ZNF638: variants seen among roughly 807,000 people sequenced by gnomAD.
ZNF638 encodes the protein CTCL tumor antigen se33-1.
ZNF638 carries 46 observed loss-of-function variants against 195.6 expected under a neutral mutation model. The observed-to-expected ratio is 0.24, with a 90% CI of 0.19 to 0.30. ZNF638 has a LOEUF of 0.30. Among genes scored for constraint, ZNF638 ranks in the 10% least tolerant of loss-of-function variants. The probability of loss-of-function intolerance (pLI) is 1.00; values close to 1 mark genes in which losing one functional copy is unlikely to be tolerated. For synonymous variants in ZNF638, 845 were observed against 772.0 expected (o/e 1.09, Z -1.57); for missense variants, 2,440 against 2,325.3 (o/e 1.05, Z -1.01).
intron 5 of ZNF638, among the ~76,000 whole-genome samples, chr2:71,364,935 A>C (rs1217365718): frequency 6.6e-6 from 1 of 152,220 alleles, no homozygotes; most frequent in Non-Finnish European, 1.5e-5. Flanking sequence ...AGATATAAGA[A>C]TTTAGGTTCT....
At chr2:71,392,763 G>A (rs770215966) in intron 10 of ZNF638, among the ~76,000 whole-genome samples, 1 of 152,188 alleles carries the variant, frequency 6.6e-6, no homozygotes, top group East Asian at 1.9e-4. Context: ...ATCCTGCAGT[G>A]CCCAGATTGC....
At chr2:71,394,265 A>G (rs2079848192) in intron 10 of ZNF638, among the ~76,000 whole-genome samples, 1 of 152,124 alleles carries the variant, frequency 6.6e-6, no homozygotes, top group Non-Finnish European at 1.5e-5. Flanking sequence ...GGGGGATGGG[A>G]TATCCCAGAC....
chr2:71,418,996 C>T (rs1178535022), intron 21 of ZNF638, among the ~76,000 whole-genome samples: 6 of 152,108 alleles, frequency 3.9e-5, no homozygotes, highest in South Asian at 2.1e-4. Flanking sequence ...AAAATAAACA[C>T]GGTAGTAAAA....
intron 10 of ZNF638, among the ~76,000 whole-genome samples, chr2:71,381,265 G>A (rs962489141): frequency 6.6e-6 from 1 of 152,082 alleles, no homozygotes; most frequent in Non-Finnish European, 1.5e-5. Context: ...TCTGTTTGGG[G>A]AAGGTAAAAA....
chr2:71,426,265 GA>G (rs2080537697), intron 23 of ZNF638, among the ~76,000 whole-genome samples, 194 bp from the exon 24 acceptor site: 1 of 151,856 alleles, frequency 6.6e-6, no homozygotes. Context: ...TTTACTTTTG[GA>G]TTATACTTTG....
chr2:71,352,458 A>G (rs1277924313), intron 2 of ZNF638, among the ~76,000 whole-genome samples: 2 of 149,622 alleles, frequency 1.3e-5, no homozygotes, highest in Non-Finnish European at 3.0e-5. Flanking sequence ...AGCCTGGGTG[A>G]CAGAGCGAGA....
rs774616770 is a variant in ZNF638, at chr2:71,349,006, C to A, written c.52C>A (p.Arg18=). The change falls in exon 2 of 28, where the codon CGA becomes AGA. Residue 18 remains arginine, a synonymous_variant. Coordinates refer to ENST00000264447, the MANE Select transcript of ZNF638 (RefSeq NM_014497.5). ...PRGDFPLQRP[R]APNPSGMRPP... The stretch of plus-strand genomic sequence containing the variant: ...AGGAGACTTTCCACTTCAAAGGCCA[C>A]GAGCACCTAACCCTTCTGGGATGAG... 5.0e-6 allele frequency: 8 copies of A among 1,614,148 alleles called. No individual in the cohort carries two copies. The East Asian group carries it at 1.8e-4, about 36-fold the overall frequency.
intron 2 of ZNF638, among the ~76,000 whole-genome samples, chr2:71,350,761 C>G (rs2078926094): frequency 6.6e-6 from 1 of 152,102 alleles, no homozygotes; most frequent in South Asian, 2.1e-4. Context: ...TTTATGTAGA[C>G]TAGTGATTTT....
At chr2:71,386,350 A>G (rs906793429) in intron 10 of ZNF638, among the ~76,000 whole-genome samples, 13 of 151,268 alleles carry the variant, frequency 8.6e-5, no homozygotes, top group African/African-American at 2.4e-4. Flanking sequence ...ATGTGTGTAT[A>G]TATACTTTTA....
intron 21 of ZNF638, among the ~76,000 whole-genome samples, chr2:71,419,872 A>G (rs2080388008): frequency 6.6e-6 from 1 of 151,736 alleles, no homozygotes; most frequent in African/African-American, 2.4e-5. Flanking sequence ...ATAGCTTTTA[A>G]AATTGAATAT....
At chr2:71,411,167 T>C (rs1244147863) in intron 20 of ZNF638, among the ~76,000 whole-genome samples, 2 of 150,974 alleles carry the variant, frequency 1.3e-5, no homozygotes, top group East Asian at 3.9e-4. Flanking sequence ...CCACTAATTT[T>C]TTTTGTATTT....
intron 6 of ZNF638, 25 bp from the exon 7 acceptor site, chr2:71,368,357 A>G (rs764305269): frequency 1.3e-6 from 2 of 1,597,060 alleles, no homozygotes; most frequent in South Asian, 1.1e-5. Flanking sequence ...GGTTTATTTT[A>G]AATTTTCTTT....
intron 8 of ZNF638, chr2:71,379,709 A>C (rs2079499333): frequency 6.6e-6 from 1 of 152,246 alleles, no homozygotes; most frequent in African/African-American, 2.4e-5. Context: ...GACCGTATTC[A>C]CGTAAGTTTT....
At chr2:71,385,178 G>A (rs910745056) in intron 10 of ZNF638, among the ~76,000 whole-genome samples, 9 of 152,184 alleles carry the variant, frequency 5.9e-5, no homozygotes, top group Admixed American at 5.9e-4. Flanking sequence ...TACATTGTGT[G>A]CAAGAGCAAT....
At chr2:71,417,130 T>C (rs3982219) in intron 20 of ZNF638, among the ~76,000 whole-genome samples, 4 of 148,234 alleles carry the variant, frequency 2.7e-5, no homozygotes, top group Admixed American at 6.7e-5. Flanking sequence ...ATCAGCGAGA[T>C]TCCGTGGGCA....
In ZNF638 at chr2:71,423,048, T is replaced by A. The variant is rs1236006142; in HGVS notation, c.3534T>A (p.Ile1178=). ...AAGGAGAGGAGGTCAAAGAAGAAAT[T>A]CCTCTTGTAGCATCCGCTTCAGTCA... is the stretch of plus-strand genomic sequence containing the variant. ...ETQGEEVKEE[I]PLVASASVSI... Residue 1178 remains isoleucine (I), a synonymous_variant, in exon 22 of 28, where the codon ATT becomes ATA. Coordinates refer to ENST00000264447, the MANE Select transcript of ZNF638 (RefSeq NM_014497.5). The A allele has an allele frequency of 6.2e-7, 1 of 1,614,148 alleles. No individual in the cohort carries two copies. The highest frequency in any genetic ancestry group is 8.5e-7 in the Non-Finnish European group (1 of 1,179,998).
intron 1 of ZNF638, among the ~76,000 whole-genome samples, chr2:71,338,714 A>C (rs1198020898): frequency 6.6e-6 from 1 of 152,160 alleles, no homozygotes; most frequent in Non-Finnish European, 1.5e-5. Flanking sequence ...GAGGTACATA[A>C]ATTGAATAGT....
intron 2 of ZNF638, among the ~76,000 whole-genome samples, chr2:71,350,539 A>G (rs1055451549): frequency 4.6e-5 from 7 of 152,338 alleles, no homozygotes; most frequent in African/African-American, 1.7e-4. Flanking sequence ...CCACTTACGC[A>G]ACATAAAATT....
chr2:71,407,079 C>T (rs2080120532), intron 19 of ZNF638, among the ~76,000 whole-genome samples: 1 of 152,084 alleles, frequency 6.6e-6, no homozygotes, highest in South Asian at 2.1e-4. Context: ...TTTGGTATGC[C>T]TTCTGTATTT....
Sources: allele counts gnomAD v4.1 joint callset (sites outside exome capture counted in the v4.1 genomes callset), GRCh38; gene constraint gnomAD v4.1.1; transcripts MANE v1.5; gene names NCBI Gene and HGNC (gene_info 2026-07-23, HGNC 2026-07-21).